Variants in ZNF804B observed in about 807,000 individuals in gnomAD.
The protein encoded by ZNF804B is zinc finger 804B.
In ZNF804B, 80 loss-of-function variants were observed where a neutral mutation model predicts 101.4. The observed-to-expected ratio is 0.79, with a 90% CI of 0.66 to 0.95. The LOEUF is 0.95. Among genes scored for constraint, ZNF804B ranks in the 40% least tolerant of loss-of-function variants. ZNF804B has a pLI of 0.00. For synonymous variants in ZNF804B, 622 were observed against 558.8 expected, an observed-to-expected ratio of 1.11 and a Z score of -1.59; for missense variants, 1,673 against 1,561.9, an observed-to-expected ratio of 1.07 and a Z score of -1.20.
chr7:89,263,029 C>A (rs1300937825), intron 2 of ZNF804B, among the ~76,000 whole-genome samples: 2 of 152,148 alleles, frequency 1.3e-5, no homozygotes, highest in Non-Finnish European at 2.9e-5. Context: ...TGGGTGTGAG[C>A]TGAAATGTGG....
chr7:88,904,549 C>A (rs1426373471), intron 1 of ZNF804B, among the ~76,000 whole-genome samples: 1 of 151,998 alleles, frequency 6.6e-6, no homozygotes, highest in East Asian at 1.9e-4. Context: ...GGTAGTATGG[C>A]AATTTTAATT....
At chr7:89,182,158 C>T (rs1280713085) in intron 1 of ZNF804B, among the ~76,000 whole-genome samples, 1 of 152,102 alleles carries the variant, frequency 6.6e-6, no homozygotes, top group Non-Finnish European at 1.5e-5. Context: ...GATATTAAAT[C>T]ACTAATTTTT....
At chr7:88,819,891 G>A (rs1201208312) in intron 1 of ZNF804B, among the ~76,000 whole-genome samples, 1 of 152,090 alleles carries the variant, frequency 6.6e-6, no homozygotes, top group Non-Finnish European at 1.5e-5. Flanking sequence ...GTATTGGCAG[G>A]GTCATAAAAC....
chr7:89,196,547 C>T (rs919704655), intron 1 of ZNF804B, among the ~76,000 whole-genome samples: 1 of 151,446 alleles, frequency 6.6e-6, no homozygotes, highest in Admixed American at 6.6e-5. Context: ...TAGGCAATAA[C>T]ATCTGACATA....
intron 1 of ZNF804B, among the ~76,000 whole-genome samples, chr7:88,840,492 T>C (rs1791279490): frequency 6.6e-6 from 1 of 152,174 alleles, no homozygotes; most frequent in Non-Finnish European, 1.5e-5. Context: ...CAATAGATAA[T>C]ATTAAAAGTA....
At chr7:88,833,890 A>G (rs3847042) in intron 1 of ZNF804B, among the ~76,000 whole-genome samples, 78,030 of 151,270 alleles carry the variant, frequency 0.52, 22,522 homozygotes, top group East Asian at 0.81. Context: ...TGCCAAAATT[A>G]CTTATTTTCT....
chr7:88,956,509 C>T (rs916364269), intron 1 of ZNF804B, among the ~76,000 whole-genome samples: 2 of 151,190 alleles, frequency 1.3e-5, no homozygotes, highest in African/African-American at 2.4e-5. Context: ...ACTCTATTAC[C>T]ATATTTCAAA....
intron 1 of ZNF804B, among the ~76,000 whole-genome samples, chr7:88,929,231 G>A (rs1387054652): frequency 1.3e-5 from 2 of 151,808 alleles, no homozygotes; most frequent in Non-Finnish European, 2.9e-5. Context: ...CGGGGAGAGA[G>A]ACTGGGGATG....
At chr7:88,993,546 A>G (rs1231436628) in intron 1 of ZNF804B, among the ~76,000 whole-genome samples, 1 of 152,032 alleles carries the variant, frequency 6.6e-6, no homozygotes, top group Admixed American at 6.6e-5. Flanking sequence ...AATAGTTCCT[A>G]TCTGCACTGA....
At chr7:88,801,425 A>G (rs1294451648) in intron 1 of ZNF804B, among the ~76,000 whole-genome samples, 2 of 152,118 alleles carry the variant, frequency 1.3e-5, no homozygotes, top group Non-Finnish European at 2.9e-5. Context: ...CTGTAATTAT[A>G]ACTGTTTAGG....
chr7:88,842,427 A>G (rs1791303376), intron 1 of ZNF804B, among the ~76,000 whole-genome samples: 1 of 152,202 alleles, frequency 6.6e-6, no homozygotes, highest in Non-Finnish European at 1.5e-5. Flanking sequence ...CAAATCCATT[A>G]TTAATAAAAC....
At chr7:89,008,528 C>T (rs1298997865) in intron 1 of ZNF804B, among the ~76,000 whole-genome samples, 1 of 152,126 alleles carries the variant, frequency 6.6e-6, no homozygotes, top group African/African-American at 2.4e-5. Flanking sequence ...CAGGTCTTTC[C>T]TGATGCTTAT....
At chr7:89,024,023 C>T (rs913997139) in intron 1 of ZNF804B, among the ~76,000 whole-genome samples, 5 of 152,220 alleles carry the variant, frequency 3.3e-5, no homozygotes, top group Non-Finnish European at 7.3e-5. Flanking sequence ...CATATGTTCT[C>T]CTACATTCCA....
rs189350812 is a variant in ZNF804B at position 89,320,163 on chromosome 7, A to G, written c.250-7181A>G. Among the ~76,000 whole-genome samples, 28 of 152,236 alleles carry G rather than the reference A, an allele frequency of 1.8e-4. No individual in the cohort carries two copies. In the East Asian group the frequency reaches 5.0e-3, roughly 27 times the overall value. ...GTATATCTATGTAACAAAACTACAC[A>G]TTCTGCACATGTACCCCAGAACTTA... is the stretch of plus-strand genomic sequence containing the variant. On this transcript the variant is annotated intron_variant, in intron 2 of 3. Transcript: ENST00000333190.
intron 1 of ZNF804B, among the ~76,000 whole-genome samples, chr7:89,039,284 G>C (rs1788977387): frequency 6.6e-6 from 1 of 151,714 alleles, no homozygotes; most frequent in Non-Finnish European, 1.5e-5. Context: ...TTGTTTGTTT[G>C]GGTAGTATAA....
At chr7:88,841,642 G>A (rs981800602) in intron 1 of ZNF804B, among the ~76,000 whole-genome samples, 2 of 152,132 alleles carry the variant, frequency 1.3e-5, no homozygotes, top group Non-Finnish European at 2.9e-5. Context: ...TCAGAGAGTT[G>A]TGTAAATCCT....
chr7:89,122,064 T>C (rs1200451914), intron 1 of ZNF804B, among the ~76,000 whole-genome samples: 2 of 151,542 alleles, frequency 1.3e-5, no homozygotes, highest in East Asian at 1.9e-4. Flanking sequence ...AAATTATGTG[T>C]AAAGTAATAT....
At chr7:88,923,880 G>A (rs1359648632) in intron 1 of ZNF804B, among the ~76,000 whole-genome samples, 1 of 152,012 alleles carries the variant, frequency 6.6e-6, no homozygotes, top group African/African-American at 2.4e-5. Context: ...ATCCCTACAG[G>A]TCAATAGAAA....
rs189695627 is a variant in ZNF804B at position 88,922,431 on chromosome 7, G to A, written c.108+162347G>A. On this transcript the variant is annotated intron_variant, in intron 1 of 3. Coordinates refer to ENST00000333190, the MANE Select transcript of ZNF804B (RefSeq NM_181646.5). Reference sequence around the variant, plus strand: ...TTACATTTGAATTTTTACTTTTCACGAATTAGATTTTTACTAAACTGTTGC... The same window carrying A: ...TTACATTTGAATTTTTACTTTTCACAAATTAGATTTTTACTAAACTGTTGC... Among the ~76,000 whole-genome samples, 286 of 151,956 alleles carry A rather than the reference G, an allele frequency of 1.9e-3. 1 individual carries two copies. The highest frequency in any genetic ancestry group is 6.5e-3 in the African/African-American group (271 of 41,476).
Sources: gnomAD v4.1 joint callset for allele counts (sites outside exome capture counted in the v4.1 genomes callset) on GRCh38, gnomAD v4.1.1 for gene constraint, MANE v1.5 for transcripts, NCBI Gene and HGNC (gene_info 2026-07-23, HGNC 2026-07-21) for gene names.